TEX10: variants seen among roughly 807,000 people sequenced by gnomAD.
TEX10 encodes the protein testis expressed 10, also known as testis-expressed protein 10.
Under a neutral mutation model 104.4 loss-of-function variants are expected in TEX10, and 24 were observed. The ratio of observed to expected loss-of-function variants is 0.23; its 90% CI spans 0.17 to 0.32. TEX10 has a LOEUF of 0.32. Ranked by LOEUF, TEX10 falls within the 10% of genes least tolerant of loss-of-function variation. The pLI, the probability that TEX10 is intolerant of heterozygous loss-of-function variation, is 1.00. For missense variants in TEX10, 921 were observed against 1,083.9 expected (o/e 0.85, Z 2.11); for synonymous variants, 396 against 393.4 (o/e 1.01, Z -0.08).
chr9:100,325,107 C>T lies in TEX10; in HGVS notation c.1979+1195G>A, dbSNP rs376362436. ...TATTGTCAGTTATGAAGCACACTTC[C>T]AGTGACCAGAGTCAAATATCTGTCC... On this transcript the variant is annotated intron_variant, in intron 9 of 14. Coordinates refer to ENST00000374902, the MANE Select transcript of TEX10 (RefSeq NM_017746.4). Among the ~76,000 whole-genome samples the T allele has an allele frequency of 1.3e-3, 199 of 152,200 alleles. 5 individuals carry two copies. In the South Asian group the frequency reaches 0.04, roughly 31 times the overall value.
At position 100,303,587 on chromosome 9, in the gene TEX10, A is replaced by G. The variant is rs768049184; in HGVS notation, c.2676+45T>C. 3.1e-5 allele frequency: 49 copies of G among 1,600,018 alleles called. No individual in the cohort carries two copies. The Admixed American group carries it at 7.7e-4, about 25-fold the overall frequency. Reference sequence around the variant, plus strand: ...TCCCCCATGCCCCCGTCATAAATTCATTCTTATGCTAATACTGCAAAGCCT... The same window carrying G: ...TCCCCCATGCCCCCGTCATAAATTCGTTCTTATGCTAATACTGCAAAGCCT... On this transcript the variant is annotated intron_variant, in intron 14 of 14. Transcript: ENST00000374902.
chr9:100,332,208 T>C (rs1237584609), intron 5 of TEX10, among the ~76,000 whole-genome samples: 3 of 152,208 alleles, frequency 2.0e-5, no homozygotes, highest in Non-Finnish European at 4.4e-5. Flanking sequence ...TTTTATTTTG[T>C]GTAGTGATAC....
In TEX10 at chr9:100,326,470, T is replaced by C; in HGVS notation, c.1811A>G (p.Glu604Gly). The change falls in exon 9 of 15, where the codon GAA becomes GGA. Residue 604 changes from glutamate (E) to glycine (G), a missense_variant. Physicochemically the swap from Glu to Gly is moderately conservative, Grantham distance 98. Around this residue, in one of 3 missense-constraint regions of TEX10, gnomAD observed 753 missense variants for 868.4 expected, o/e 0.87. Transcript: ENST00000374902. ...ATALRIYDPQ[E>G]GAVVVLPADS... ...TGCAGGGAGAACCACCACAGCACCTTCTTGTGGATCTAGTGAGGTGGATAG... is the reference window on the plus strand; with the variant it reads ...TGCAGGGAGAACCACCACAGCACCTCCTTGTGGATCTAGTGAGGTGGATAG... The C allele has an allele frequency of 6.2e-7, 1 of 1,612,450 alleles. No homozygotes were observed. The highest frequency in any genetic ancestry group is 1.1e-5 in the South Asian group (1 of 90,850).
At chr9:100,341,544 C>A (rs1835174666) in intron 4 of TEX10, among the ~76,000 whole-genome samples, 2 of 151,542 alleles carry the variant, frequency 1.3e-5, no homozygotes, top group South Asian at 4.2e-4. Flanking sequence ...CTTCATTATA[C>A]ATACCAACAG....
chr9:100,348,052 G>A (rs556308887), intron 2 of TEX10, among the ~76,000 whole-genome samples: 3 of 152,274 alleles, frequency 2.0e-5, no homozygotes, highest in South Asian at 4.1e-4. Flanking sequence ...ACCTAATCAT[G>A]CAATGAAATA....
intron 2 of TEX10, among the ~76,000 whole-genome samples, chr9:100,347,978 A>G (rs1009643337): frequency 5.9e-5 from 9 of 152,264 alleles, no homozygotes; most frequent in African/African-American, 7.2e-5. Flanking sequence ...AGCATTATTC[A>G]TAAGAGCCAA....
chr9:100,337,459 G>A (rs1345926985), intron 5 of TEX10, among the ~76,000 whole-genome samples: 1 of 152,166 alleles, frequency 6.6e-6, no homozygotes, highest in African/African-American at 2.4e-5. Flanking sequence ...TACTTTGAGA[G>A]TTCATGGATT....
At chr9:100,346,594 T>C (rs995074348) in intron 3 of TEX10, 100 bp downstream of exon 3, 45 of 1,280,092 alleles carry the variant, frequency 3.5e-5, no homozygotes, top group Non-Finnish European at 6.5e-6. Flanking sequence ...ATGAAAACTA[T>C]GAAAGACAAC....
chr9:100,317,750 C>T (rs1224005415), intron 11 of TEX10, among the ~76,000 whole-genome samples: 4 of 151,870 alleles, frequency 2.6e-5, no homozygotes, highest in Non-Finnish European at 4.4e-5. Context: ...AGACTAATAC[C>T]AAAAATTTAC....
chr9:100,324,584 A>G (rs1273534784), intron 9 of TEX10, among the ~76,000 whole-genome samples: 2 of 152,196 alleles, frequency 1.3e-5, no homozygotes, highest in African/African-American at 4.8e-5. Flanking sequence ...TAAAATTAAT[A>G]TATTTTCCCA....
At chr9:100,352,113 C>A (rs887397374) in intron 1 of TEX10, among the ~76,000 whole-genome samples, 3 of 152,168 alleles carry the variant, frequency 2.0e-5, no homozygotes, top group African/African-American at 7.2e-5. Context: ...ACCTTCTTAC[C>A]CTTCCTCATT....
chr9:100,348,251 T>C (rs1272675140), intron 2 of TEX10, among the ~76,000 whole-genome samples: 2 of 152,226 alleles, frequency 1.3e-5, no homozygotes, highest in African/African-American at 4.8e-5. Flanking sequence ...AGATTAGTGA[T>C]TGCCTAGGGC....
At chr9:100,351,546 G>C (rs1195848593) in intron 1 of TEX10, among the ~76,000 whole-genome samples, 1 of 152,110 alleles carries the variant, frequency 6.6e-6, no homozygotes, top group Non-Finnish European at 1.5e-5. Flanking sequence ...GCTGGTACTA[G>C]ACACGAAAGT....
rs1436314761 is a variant in TEX10, at chr9:100,327,943, A to G, written c.1645T>C (p.Ser549Pro). Residue 549 changes from serine to proline, a missense_variant, in exon 8 of 15, where the codon TCC becomes CCC. By Grantham distance (74) the Ser-to-Pro change is moderately conservative. Coordinates refer to ENST00000374902, the MANE Select transcript of TEX10 (RefSeq NM_017746.4). ...CRFRYRSKVLSRWLAGLPLQL... is the reference protein window; with the variant it reads ...CRFRYRSKVLPRWLAGLPLQL... ...AATGGTAAGCCAGCCAGCCAACGGG[A>G]TAACACTTTACTACGATATCTTAGA... 6.9e-6 allele frequency: 11 copies of G among 1,585,126 alleles called. No individual in the cohort carries two copies. Among genetic ancestry groups the G allele is most frequent in the African/African-American group, 1.3e-5 (1 of 74,664 alleles).
chr9:100,313,571 G>A (rs182954585), intron 11 of TEX10, among the ~76,000 whole-genome samples: 15 of 151,166 alleles, frequency 9.9e-5, no homozygotes, highest in East Asian at 9.7e-4. Context: ...GAATAGGGTC[G>A]GGCACAGTGG....
In TEX10 at chr9:100,341,006, G is replaced by A. The variant is rs569838948; in HGVS notation, c.1138-637C>T. Among the ~76,000 whole-genome samples the A allele has an allele frequency of 1.3e-3, 200 of 151,732 alleles. 2 individuals are homozygous for A. Among genetic ancestry groups the A allele is most frequent in the African/African-American group, 4.6e-3 (192 of 41,368 alleles). On this transcript the variant is annotated intron_variant, in intron 4 of 14. Transcript: ENST00000374902. ...TTTTGAGATGAAGTCTCGCTCTGTC[G>A]CCCAGGTCGGAGTACAGTGGCACTA...
intron 6 of TEX10, 88 bp from the exon 7 acceptor site, chr9:100,329,363 T>C (rs1324570423): frequency 1.5e-5 from 23 of 1,500,938 alleles, no homozygotes; most frequent in Non-Finnish European, 2.0e-5. Flanking sequence ...AGTACTTTAC[T>C]TTCTTCCTAT....
chr9:100,346,568 AATC>A, intron 3 of TEX10, 123 bp downstream of exon 3: 1 of 1,106,972 alleles, frequency 9.0e-7, no homozygotes, highest in Non-Finnish European at 1.3e-6. Flanking sequence ...AATAAAATCA[AATC>A]ATGAGTAACT....
chr9:100,328,119 C>T (rs1834755953), intron 7 of TEX10, among the ~76,000 whole-genome samples, 157 bp from the exon 8 acceptor site: 1 of 152,110 alleles, frequency 6.6e-6, no homozygotes, highest in South Asian at 2.1e-4. Context: ...TGAGAACCTA[C>T]AAGATGCCAG....
Sources: allele counts gnomAD v4.1 joint callset (sites outside exome capture counted in the v4.1 genomes callset), GRCh38; gene constraint gnomAD v4.1.1; regional missense constraint gnomAD v4.1.1; transcripts MANE v1.5; gene names NCBI Gene and HGNC (gene_info 2026-07-23, HGNC 2026-07-21).